CCDC73: variants seen among roughly 807,000 people sequenced by gnomAD.
CCDC73 encodes the protein coiled-coil domain containing 73.
Under a neutral mutation model 116.5 loss-of-function variants are expected in CCDC73, and 95 were observed. The ratio of observed to expected loss-of-function variants is 0.82; its 90% CI spans 0.69 to 0.97. CCDC73 has a LOEUF of 0.97. Among genes scored for constraint, CCDC73 ranks in the 50% least tolerant of loss-of-function variants. The pLI, the probability that CCDC73 is intolerant of heterozygous loss-of-function variation, is 0.00. For missense variants in CCDC73, 1,066 were observed against 1,206.8 expected (o/e 0.88, Z 1.73); for synonymous variants, 398 against 401.3 (o/e 0.99, Z 0.10).
At chr11:32,820,891 CTA>C in the CCDC73 span, among the ~76,000 whole-genome samples, 3 of 152,152 alleles carry the variant, frequency 2.0e-5, no homozygotes, top group South Asian at 2.1e-4. Flanking sequence ...TGTGAATTGT[CTA>C]TGTGTTATAT....
intron 9 of CCDC73, among the ~76,000 whole-genome samples, chr11:32,661,064 AT>A (rs1295320033): frequency 6.6e-6 from 1 of 152,168 alleles, no homozygotes; most frequent in Non-Finnish European, 1.5e-5. Context: ...TGGGCATGTC[AT>A]GGTAAAGATG....
intron 1 of CCDC73, among the ~76,000 whole-genome samples, chr11:32,761,197 A>G (rs1850388783): frequency 6.6e-6 from 1 of 152,014 alleles, no homozygotes; most frequent in African/African-American, 2.4e-5. Flanking sequence ...GTGCTCATAA[A>G]TGGAATCACA....
chr11:32,704,186 C>T (rs916503024), intron 3 of CCDC73, among the ~76,000 whole-genome samples: 4 of 152,224 alleles, frequency 2.6e-5, no homozygotes, highest in Admixed American at 2.6e-4. Flanking sequence ...AGCTGCCCAG[C>T]CACAGCTCTA....
At position 32,603,072 on chromosome 11, in the gene CCDC73, A is replaced by AAAG. The variant is rs773426555; in HGVS notation, c.3031-55_3031-53dup. On this transcript the variant is annotated intron_variant, in intron 17 of 17. Coordinates refer to ENST00000335185, the MANE Select transcript of CCDC73 (RefSeq NM_001008391.4). ...TCGAAATTATTATACAAAAGATTTT[A>AAAG]AAGAGTCTGTAAAGCCTCTGCAGTT... is the stretch of plus-strand genomic sequence containing the variant. 3 of 1,444,074 alleles carry AAAG rather than the reference A, an allele frequency of 2.1e-6. No individual in the cohort carries two copies. The Admixed American group carries it at 6.3e-5, about 30-fold the overall frequency. The allele number at this position is 1,444,074 out of a possible 1,614,324, so 89.5% of individuals were successfully genotyped here. A position where few individuals can be genotyped will look rare whatever the true frequency, so the allele number is the denominator to read the frequency against.
At chr11:32,787,893 T>C (rs1199338006) in intron 1 of CCDC73, among the ~76,000 whole-genome samples, 1 of 152,164 alleles carries the variant, frequency 6.6e-6, no homozygotes, top group South Asian at 2.1e-4. Context: ...CCTTTTATAA[T>C]CTAATAAAAT....
At chr11:32,802,217 CT>C in the CCDC73 span, among the ~76,000 whole-genome samples, 6 of 152,232 alleles carry the variant, frequency 3.9e-5, no homozygotes, top group East Asian at 3.9e-4. Context: ...CTCTCGTTCT[CT>C]TTTTTTCTGG....
intron 1 of CCDC73, among the ~76,000 whole-genome samples, chr11:32,767,991 T>C (rs1041841000): frequency 6.6e-6 from 1 of 152,196 alleles, no homozygotes; most frequent in Admixed American, 6.5e-5. Flanking sequence ...CAAAGGATTA[T>C]AAAGCATGCT....
Position 32,731,882 on chromosome 11 carries a change from G to A in CCDC73, c.136-13735C>T, listed in dbSNP as rs566091569. ...CTCCTCCAAAGGAAAGCAGCTCCTC[G>A]CCAGCAAAGGAACAAAGCTGGACGG... On this transcript the variant is annotated intron_variant, in intron 2 of 17. Coordinates refer to ENST00000335185, the MANE Select transcript of CCDC73 (RefSeq NM_001008391.4). Among the ~76,000 whole-genome samples the A allele has an allele frequency of 5.2e-4, 79 of 152,294 alleles. 2 individuals are homozygous for A. In the South Asian group the frequency reaches 0.015, roughly 29 times the overall value.
At chr11:32,826,523 A>C in the CCDC73 span, among the ~76,000 whole-genome samples, 1 of 152,086 alleles carries the variant, frequency 6.6e-6, no homozygotes. Flanking sequence ...GTATGTGCTC[A>C]AATTCAGAGA....
At chr11:32,647,394 C>G (rs1242026042) in intron 12 of CCDC73, among the ~76,000 whole-genome samples, 1 of 152,152 alleles carries the variant, frequency 6.6e-6, no homozygotes, top group Non-Finnish European at 1.5e-5. Flanking sequence ...GAATCTGCCC[C>G]CGTGACGCAC....
intron 2 of CCDC73, among the ~76,000 whole-genome samples, chr11:32,730,401 C>A (rs960261990): frequency 6.6e-6 from 1 of 152,158 alleles, no homozygotes; most frequent in African/African-American, 2.4e-5. Flanking sequence ...AAGATTCACA[C>A]CTCCTCCATT....
chr11:32,748,847 T>C (rs1158074493), intron 2 of CCDC73, among the ~76,000 whole-genome samples: 4 of 152,190 alleles, frequency 2.6e-5, no homozygotes, highest in Non-Finnish European at 5.9e-5. Context: ...GTAAAACCTT[T>C]TTTCCTTCAG....
At chr11:32,814,536 G>C in the CCDC73 span, among the ~76,000 whole-genome samples, 1 of 152,116 alleles carries the variant, frequency 6.6e-6, no homozygotes, top group Admixed American at 6.5e-5. Context: ...ACAATAACAA[G>C]TGTTGGCAAG....
rs1194446119 is a variant in CCDC73, at chr11:32,787,938, A to T, written c.-16+6675T>A. ...TACATTTCCTAAGGTATGCCCCCCA[A>T]AAGTAAAGAACTGAAAGATCTTTTA... On this transcript the variant is annotated intron_variant, in intron 1 of 17. Coordinates refer to ENST00000335185, the MANE Select transcript of CCDC73 (RefSeq NM_001008391.4). 3.9e-5 allele frequency among the ~76,000 whole-genome samples: 6 copies of T among 152,300 alleles called. No individual in the cohort carries two copies. The East Asian group carries it at 1.2e-3, about 29-fold the overall frequency.
intron 1 of CCDC73, among the ~76,000 whole-genome samples, chr11:32,788,542 A>C (rs1850646789): frequency 6.7e-6 from 1 of 150,152 alleles, no homozygotes; most frequent in Non-Finnish European, 1.5e-5. Context: ...TGGTGTGATC[A>C]CAGCTCACTG....
chr11:32,660,229 C>CAAAAA (rs11310092), intron 9 of CCDC73, among the ~76,000 whole-genome samples: 28 of 66,510 alleles, frequency 4.2e-4, no homozygotes, highest in African/African-American at 1.5e-3. Context: ...TTCTCTCTAC[C>CAAAAA]AAAAAAAAAA....
chr11:32,709,269 G>A (rs1849879508), intron 3 of CCDC73, among the ~76,000 whole-genome samples: 1 of 152,180 alleles, frequency 6.6e-6, no homozygotes, highest in Non-Finnish European at 1.5e-5. Context: ...GATCATGGTG[G>A]ATTATCTTTT....
intron 2 of CCDC73, among the ~76,000 whole-genome samples, chr11:32,756,941 T>C (rs1850349250): frequency 6.6e-6 from 1 of 152,152 alleles, no homozygotes; most frequent in African/African-American, 2.4e-5. Flanking sequence ...TAAGATCTGT[T>C]CTTGCTTATC....
At chr11:32,797,931 A>G (rs901365957), upstream of CCDC73, among the ~76,000 whole-genome samples, 9 of 152,256 alleles carry the variant, frequency 5.9e-5, no homozygotes, top group Non-Finnish European at 1.2e-4. Flanking sequence ...TTTGAGCACC[A>G]ACGTGATGCT....
Sources: allele counts gnomAD v4.1 joint callset (sites outside exome capture counted in the v4.1 genomes callset), GRCh38; gene constraint gnomAD v4.1.1; transcripts MANE v1.5; gene names NCBI Gene and HGNC (gene_info 2026-07-23, HGNC 2026-07-21).